GRIK4: variants seen among roughly 807,000 people sequenced by gnomAD.
The protein encoded by GRIK4 is glutamate ionotropic receptor kainate type subunit 4.
GRIK4 carries 40 observed loss-of-function variants against 104.9 expected under a neutral mutation model. The ratio of observed to expected loss-of-function variants is 0.38; its 90% confidence interval spans 0.30 to 0.50. GRIK4 has a LOEUF of 0.50. Ranked by LOEUF, GRIK4 falls within the 20% of genes least tolerant of loss-of-function variation. GRIK4 has a pLI of 0.93. For missense variants in GRIK4, 1,047 were observed against 1,308.1 expected, an observed-to-expected ratio of 0.80 and a Z score of 3.08; for synonymous variants, 485 against 524.9, an observed-to-expected ratio of 0.92 and a Z score of 1.04.
At chr11:120,646,469 G>T (rs754766492) in intron 1 of GRIK4, among the ~76,000 whole-genome samples, 1 of 152,148 alleles carries the variant, frequency 6.6e-6, no homozygotes, top group Non-Finnish European at 1.5e-5. Flanking sequence ...GTGAAGTTTT[G>T]TGAGTGGAGG....
intron 12 of GRIK4, among the ~76,000 whole-genome samples, chr11:120,900,645 G>A (rs924604648): frequency 6.6e-6 from 1 of 152,126 alleles, no homozygotes; most frequent in African/African-American, 2.4e-5. Context: ...GATACCCAGG[G>A]GTCAGGGTGG....
At chr11:120,786,869 G>A (rs550260284) in intron 3 of GRIK4, among the ~76,000 whole-genome samples, 69 of 152,246 alleles carry the variant, frequency 4.5e-4, no homozygotes, top group Non-Finnish European at 8.8e-4. Context: ...CCTGCATTAC[G>A]CAGTGCTATA....
chr11:120,892,236 G>A (rs1385156727), intron 11 of GRIK4, among the ~76,000 whole-genome samples: 1 of 152,194 alleles, frequency 6.6e-6, no homozygotes, highest in East Asian at 1.9e-4. Flanking sequence ...GGACCGAAGA[G>A]CATGAGAAGA....
chr11:120,605,127 G>A (rs998105217), intron 1 of GRIK4, among the ~76,000 whole-genome samples: 4 of 152,312 alleles, frequency 2.6e-5, no homozygotes, highest in Admixed American at 6.5e-5. Context: ...GAGCCAGTGC[G>A]CACAGCACAG....
chr11:120,655,593 G>C (rs1299389488), intron 2 of GRIK4, among the ~76,000 whole-genome samples: 4 of 152,242 alleles, frequency 2.6e-5, no homozygotes, highest in Admixed American at 1.3e-4. Flanking sequence ...AGAAAGACCA[G>C]AGGATGGGGG....
chr11:120,846,180 CTG>C (rs759182277), intron 8 of GRIK4, among the ~76,000 whole-genome samples: 3 of 152,348 alleles, frequency 2.0e-5, no homozygotes, highest in South Asian at 2.1e-4. Flanking sequence ...ATTGTGGAAA[CTG>C]TGGCTGACAG....
chr11:120,844,508 G>A, intron 8 of GRIK4, among the ~76,000 whole-genome samples: 1 of 152,326 alleles, frequency 6.6e-6, no homozygotes, highest in East Asian at 1.9e-4. Context: ...TATGAGTGAA[G>A]GGAGCATTCC....
intron 8 of GRIK4, chr11:120,858,934 C>G (rs1954190248): frequency 6.6e-6 from 1 of 152,172 alleles, no homozygotes; most frequent in African/African-American, 2.4e-5. Flanking sequence ...TGTCCTTCCA[C>G]AGGCTATCCC....
chr11:120,551,048 G>A (rs114567345), intron 1 of GRIK4, among the ~76,000 whole-genome samples: 1,871 of 152,238 alleles, frequency 0.012, 33 homozygotes, highest in African/African-American at 0.042. Flanking sequence ...TGAAGGCCTT[G>A]AGAAGGTCAG....
intron 3 of GRIK4, among the ~76,000 whole-genome samples, chr11:120,767,292 G>A (rs976936220): frequency 2.0e-5 from 3 of 152,238 alleles, no homozygotes; most frequent in African/African-American, 7.2e-5. Context: ...ATTTCCCTGA[G>A]GATAAGTGAT....
chr11:120,644,011 C>CTGTGTGTGTGTG lies in GRIK4; in HGVS notation c.-158-9651_-158-9640dup, dbSNP rs369374873. Among the ~76,000 whole-genome samples the CTGTGTGTGTGTG allele has an allele frequency of 9.1e-3, 1,116 of 122,884 alleles. 11 individuals carry two copies. Among genetic ancestry groups the CTGTGTGTGTGTG allele is most frequent in the Non-Finnish European group, 0.011 (654 of 61,918 alleles). 80.6% of individuals were successfully genotyped at this position (122,884 alleles called of 152,430 possible). On this transcript the variant is annotated intron_variant, in intron 1 of 20. Transcript: ENST00000527524. ...ATGACAAGTTTCCAGGGGAGAGGGT[C>CTGTGTGTGTGTG]TGTGTGTGTGTGTGTGTGTGTGTGT...
chr11:120,784,365 C>G (rs148623665), intron 3 of GRIK4, among the ~76,000 whole-genome samples: 2 of 152,128 alleles, frequency 1.3e-5, no homozygotes, highest in Admixed American at 6.5e-5. Context: ...TGGAAACAAT[C>G]GAAGTAATGG....
chr11:120,585,197 T>G (rs1948643449), intron 1 of GRIK4, among the ~76,000 whole-genome samples: 1 of 152,238 alleles, frequency 6.6e-6, no homozygotes, highest in African/African-American at 2.4e-5. Context: ...TGTTTATCCA[T>G]GCATCTGTCA....
intron 1 of GRIK4, among the ~76,000 whole-genome samples, chr11:120,637,253 G>A (rs1385446858): frequency 6.6e-6 from 1 of 152,140 alleles, no homozygotes; most frequent in Non-Finnish European, 1.5e-5. Flanking sequence ...GTGTCCTCAT[G>A]TTGGAGTTGT....
chr11:120,653,059 T>C (rs1949643115), intron 1 of GRIK4, among the ~76,000 whole-genome samples: 1 of 152,224 alleles, frequency 6.6e-6, no homozygotes. Context: ...TCCCCTGCTT[T>C]AAAAAATGCA....
chr11:120,692,393 A>G (rs1950380311), intron 3 of GRIK4, among the ~76,000 whole-genome samples: 1 of 152,218 alleles, frequency 6.6e-6, no homozygotes, highest in Non-Finnish European at 1.5e-5. Context: ...TGGGTGAGAC[A>G]TGGAGCTTGT....
intron 3 of GRIK4, among the ~76,000 whole-genome samples, chr11:120,686,243 A>T (rs1214350555): frequency 1.3e-5 from 2 of 152,164 alleles, no homozygotes; most frequent in Non-Finnish European, 2.9e-5. Context: ...GACTTTACTC[A>T]TACCCTGCCC....
intron 2 of GRIK4, among the ~76,000 whole-genome samples, chr11:120,659,646 C>T (rs1417833067): frequency 6.6e-6 from 1 of 152,162 alleles, no homozygotes; most frequent in Non-Finnish European, 1.5e-5. Context: ...GCCTGTGCTG[C>T]GTTTGGGGAA....
chr11:120,745,055 G>A (rs1444460456), intron 3 of GRIK4, among the ~76,000 whole-genome samples: 1 of 152,174 alleles, frequency 6.6e-6, no homozygotes, highest in African/African-American at 2.4e-5. Flanking sequence ...TGACCGAGGG[G>A]AATTGAGTAG....
Sources: allele counts gnomAD v4.1 joint callset (sites outside exome capture counted in the v4.1 genomes callset), GRCh38; gene constraint gnomAD v4.1.1; transcripts MANE v1.5; gene names NCBI Gene and HGNC (gene_info 2026-07-23, HGNC 2026-07-21).